ANKFY1: variants seen among roughly 807,000 people sequenced by gnomAD.
The protein encoded by ANKFY1 is ankyrin repeat and FYVE domain-containing protein 1.
A neutral mutation model predicts 128.3 loss-of-function variants in ANKFY1; 47 were observed. The ratio of observed to expected loss-of-function variants is 0.37; its 90% CI spans 0.29 to 0.47. The LOEUF (loss-of-function observed/expected upper bound fraction) is 0.47, where lower values mean the gene tolerates loss of function less well. Ranked by LOEUF, ANKFY1 falls within the 20% of genes least tolerant of loss-of-function variation. The probability of loss-of-function intolerance (pLI) is 1.00; values close to 1 mark genes in which losing one functional copy is unlikely to be tolerated. For missense variants in ANKFY1, 1,222 were observed against 1,510.6 expected, an observed-to-expected ratio of 0.81 and a Z score of 3.17; for synonymous variants, 553 against 601.6, an observed-to-expected ratio of 0.92 and a Z score of 1.18.
Position 4,167,717 on chromosome 17 carries a change from G to T in ANKFY1, c.*62C>A. ...TCCTGCTCTGGGTGGGGTCAGGCTG[G>T]TGAGCAGAGCAGCTGCTGGGGAGGT... On this transcript the variant is annotated 3_prime_UTR_variant, in exon 25 of 25. Coordinates refer to ENST00000341657, the MANE Select transcript of ANKFY1 (RefSeq NM_001330063.2). This position sits in a 1 kb window ranked among gnomAD's most constrained non-coding sequence, Gnocchi z 4.1. 2.6e-6 allele frequency: 4 copies of T among 1,524,892 alleles called. No homozygotes were observed. Among genetic ancestry groups the T allele is most frequent in the Non-Finnish European group, 3.5e-6 (4 of 1,130,126 alleles). 94.5% of individuals were successfully genotyped at this position (1,524,892 alleles called of 1,614,324 possible).
intron 22 of ANKFY1, 145 bp from the exon 23 acceptor site, chr17:4,171,006 G>A (rs1313269128): frequency 6.5e-5 from 67 of 1,036,536 alleles, no homozygotes; most frequent in South Asian, 5.1e-4. Flanking sequence ...CGGGGGCCCC[G>A]AGGCTCTGGA....
intron 1 of ANKFY1, among the ~76,000 whole-genome samples, chr17:4,253,283 T>G (rs1048821525): frequency 6.6e-6 from 1 of 152,032 alleles, no homozygotes; most frequent in Non-Finnish European, 1.5e-5. Context: ...AGCAAATCAG[T>G]GATTGCCAGA....
At chr17:4,177,771 C>T (rs1304187287) in intron 18 of ANKFY1, 1 of 154,004 alleles carries the variant, frequency 6.5e-6, no homozygotes, top group Non-Finnish European at 1.4e-5. Context: ...GGTTGAGAAA[C>T]GTGGAGAAAG....
chr17:4,175,734 T>G (rs1294636488), intron 19 of ANKFY1, among the ~76,000 whole-genome samples: 2 of 152,312 alleles, frequency 1.3e-5, no homozygotes, highest in Non-Finnish European at 2.9e-5. Context: ...CTCACAGATG[T>G]ATATTCATGG....
chr17:4,190,642 C>T (rs944891633), intron 10 of ANKFY1, among the ~76,000 whole-genome samples: 4 of 152,058 alleles, frequency 2.6e-5, no homozygotes, highest in African/African-American at 9.7e-5. Flanking sequence ...AAATATTTTC[C>T]TTAGCACTGT....
intron 19 of ANKFY1, 94 bp downstream of exon 19, chr17:4,177,032 A>C: frequency 2.3e-6 from 3 of 1,308,986 alleles, no homozygotes; most frequent in Non-Finnish European, 3.0e-6. Context: ...TGCTTTCACA[A>C]CACCGGGCAA....
Position 4,183,820 on chromosome 17 carries a change from A to G in ANKFY1, c.1790T>C (p.Leu597Ser). The change falls in exon 13 of 25, where the codon TTA becomes TCA. Residue 597 changes from leucine to serine, a missense_variant. Physicochemically the swap from Leu to Ser is moderately radical, Grantham distance 145. Coordinates refer to ENST00000341657, the MANE Select transcript of ANKFY1 (RefSeq NM_001330063.2). Reference sequence around the variant, plus strand: ...CCCCGGCACAGCCTTACCAGTCCATAATGCCAGGCCCAGCACAGTCTGGTC... The same window carrying G: ...CCCCGGCACAGCCTTACCAGTCCATGATGCCAGGCCCAGCACAGTCTGGTC... ...SRDQTVLGLA[L>S]WTGMHTIAAQ... The G allele has an allele frequency of 6.2e-7, 1 of 1,611,834 alleles. No individual in the cohort carries two copies. Among genetic ancestry groups the G allele is most frequent in the Non-Finnish European group, 8.5e-7 (1 of 1,177,932 alleles).
chr17:4,252,913 T>C (rs922733158), intron 1 of ANKFY1, among the ~76,000 whole-genome samples: 4 of 152,138 alleles, frequency 2.6e-5, no homozygotes, highest in Non-Finnish European at 5.9e-5. Flanking sequence ...AAAAGCAATA[T>C]GCTACGTGAA....
In ANKFY1 at chr17:4,175,023, C is replaced by T. The variant is rs563820777; in HGVS notation, c.2776-967G>A. On this transcript the variant is annotated intron_variant, in intron 19 of 24. Coordinates refer to ENST00000341657, the MANE Select transcript of ANKFY1 (RefSeq NM_001330063.2). The stretch of plus-strand genomic sequence containing the variant: ...GGATTACAGCATAAGCCACTGCACC[C>T]GGCCTGTTTTTTAAAAGAAAGAACA... Among the ~76,000 whole-genome samples, 33 of 150,242 alleles carry T rather than the reference C, an allele frequency of 2.2e-4. No individual in the cohort carries two copies. In the South Asian group the frequency reaches 3.6e-3, roughly 16 times the overall value.
chr17:4,216,857 C>A, intron 4 of ANKFY1, 126 bp downstream of exon 4: 2 of 1,316,426 alleles, frequency 1.5e-6, no homozygotes, highest in Non-Finnish European at 2.1e-6. Flanking sequence ...TCCCCAGCAT[C>A]GCCTTTAAAG....
In ANKFY1 at chr17:4,176,389, G is replaced by A. The variant is rs1030021845; in HGVS notation, c.2775+737C>T. 6.6e-5 allele frequency among the ~76,000 whole-genome samples: 10 copies of A among 152,332 alleles called. No individual in the cohort carries two copies. In the South Asian group the frequency reaches 1.0e-3, roughly 16 times the overall value. ...CAGCTCTGAGGAGCAGAGACCAGAC[G>A]ATGAGGCCCTGTCTCAGCTCTGGAC... is the stretch of plus-strand genomic sequence containing the variant. On this transcript the variant is annotated intron_variant, in intron 19 of 24. Coordinates refer to ENST00000341657, the MANE Select transcript of ANKFY1 (RefSeq NM_001330063.2).
At position 4,206,312 on chromosome 17, in the gene ANKFY1, T is replaced by A. The variant is rs962349573; in HGVS notation, c.898+9A>T. 6.2e-7 allele frequency: 1 copy of A among 1,608,968 alleles called. No homozygotes were observed. The highest frequency in any genetic ancestry group is 8.5e-7 in the Non-Finnish European group (1 of 1,175,766). The stretch of plus-strand genomic sequence containing the variant: ...TTGCCTGCAGGGAAACATACACACT[T>A]CTTCCTACCTCTTTGGATTCCTTTG... On this transcript the variant is annotated intron_variant, in intron 7 of 24. Transcript: ENST00000341657.
At chr17:4,202,376 G>A (rs2059944314) in intron 7 of ANKFY1, among the ~76,000 whole-genome samples, 1 of 145,242 alleles carries the variant, frequency 6.9e-6, no homozygotes, top group Non-Finnish European at 1.5e-5. Context: ...ACTGCAGCCT[G>A]GGTGACAGGG....
chr17:4,261,936 C>T (rs1567987878), intron 1 of ANKFY1, among the ~76,000 whole-genome samples: 1 of 152,216 alleles, frequency 6.6e-6, no homozygotes, highest in Admixed American at 6.5e-5. Flanking sequence ...TCAGGGAATC[C>T]CTTGGGTTTT....
In ANKFY1 at chr17:4,166,108, A is replaced by G. The variant is rs530705068; in HGVS notation, c.*1671T>C. 1 of 152,324 alleles carries G rather than the reference A, an allele frequency of 6.6e-6. No homozygotes were observed. Among genetic ancestry groups the G allele is most frequent in the Non-Finnish European group, 1.5e-5 (1 of 68,034 alleles). The allele number at this position is 152,324 out of a possible 1,614,324, so 9.4% of individuals were successfully genotyped here. ...GTTTTTCTTTTAAACATTGTGCACA[A>G]GCTTATATTCACATAGAAAGCATAT... On this transcript the variant is annotated 3_prime_UTR_variant, in exon 25 of 25. Transcript: ENST00000341657.
At chr17:4,199,729 G>A (rs576208452) in intron 7 of ANKFY1, among the ~76,000 whole-genome samples, 9 of 152,302 alleles carry the variant, frequency 5.9e-5, no homozygotes, top group Non-Finnish European at 8.8e-5. Flanking sequence ...GCCATTTAGT[G>A]TTAAAAAATA....
At chr17:4,183,588 T>C (rs758133146) in intron 13 of ANKFY1, 37 bp from the exon 14 acceptor site, 2 of 1,603,424 alleles carry the variant, frequency 1.2e-6, no homozygotes, top group South Asian at 1.1e-5. Context: ...AGGCTCGGCT[T>C]TTCCCGCTTC....
intron 12 of ANKFY1, among the ~76,000 whole-genome samples, 169 bp downstream of exon 12, chr17:4,184,649 A>G (rs1376886608): frequency 6.6e-6 from 1 of 152,262 alleles, no homozygotes; most frequent in African/African-American, 2.4e-5. Context: ...GGGAAGCAGC[A>G]GTCAAGAGCC....
intron 4 of ANKFY1, among the ~76,000 whole-genome samples, chr17:4,213,411 T>G (rs2060170079): frequency 6.6e-6 from 1 of 151,972 alleles, no homozygotes; most frequent in South Asian, 2.1e-4. Context: ...GGTGCTTTGT[T>G]TTTAATTAAC....
Sources: gnomAD v4.1 joint callset for allele counts (sites outside exome capture counted in the v4.1 genomes callset) on GRCh38, gnomAD v4.1.1 for gene constraint, Gnocchi (gnomAD v3.1) non-coding constraint, MANE v1.5 for transcripts, NCBI Gene and HGNC (gene_info 2026-07-23, HGNC 2026-07-21) for gene names.